The following MAP4 variants were observed in gnomAD, a reference collection of about 807,000 sequenced individuals.
MAP4 encodes microtubule-associated protein 4.
In MAP4, 76 loss-of-function variants were observed where a neutral mutation model predicts 170.2. That is an observed-to-expected ratio of 0.45 (90% CI 0.37 to 0.54). The LOEUF (loss-of-function observed/expected upper bound fraction) is 0.54. MAP4 is among the 20% of genes least tolerant of loss of function. The pLI is 0.00. For synonymous variants in MAP4, 909 were observed against 994.5 expected (o/e 0.91, Z 1.62); for missense variants, 2,506 against 2,748.0 (o/e 0.91, Z 1.97).
intron 1 of MAP4, among the ~76,000 whole-genome samples, chr3:48,086,321 T>C: frequency 6.6e-6 from 1 of 151,852 alleles, no homozygotes; most frequent in East Asian, 1.9e-4. Context: ...AGACTCCATC[T>C]TAAAAAATAA....
Position 47,877,530 on chromosome 3 carries a change from G to A in MAP4, c.5435-7C>T. On this transcript the variant is annotated splice_polypyrimidine_tract_variant and splice_region_variant and intron_variant, in intron 10 of 20. Coordinates refer to ENST00000683076, the MANE Select transcript of MAP4 (RefSeq NM_001385682.1). ...TCTTCTGGCCTGGCTATTCCTAAGG[G>A]GAGAGGGTGAGTGGGAATTATGCTA... is the stretch of plus-strand genomic sequence containing the variant. 1 of 1,594,112 alleles carries A rather than the reference G, an allele frequency of 6.3e-7. No homozygotes were observed. The highest frequency in any genetic ancestry group is 8.6e-7 in the Non-Finnish European group (1 of 1,164,088).
chr3:48,046,176 T>C (rs1269846544), intron 1 of MAP4, among the ~76,000 whole-genome samples: 1 of 152,114 alleles, frequency 6.6e-6, no homozygotes, highest in Non-Finnish European at 1.5e-5. Flanking sequence ...TACTTTTTGG[T>C]TTTTTCCTGA....
intron 1 of MAP4, among the ~76,000 whole-genome samples, chr3:48,056,508 C>G (rs2100131780): frequency 2.4e-5 from 2 of 83,566 alleles, no homozygotes; most frequent in Admixed American, 9.5e-5. Flanking sequence ...AGCCCTCCCC[C>G]CGGCCAGCCG....
chr3:48,043,428 G>T lies in MAP4; in HGVS notation c.-19-44549C>A, dbSNP rs75256962. The stretch of plus-strand genomic sequence containing the variant: ...AATTCTACACTTTAAGTGGGTGAAT[G>T]GTATGGTATATAAAATATATCTCAA... On this transcript the variant is annotated intron_variant, in intron 1 of 18. Transcript: ENST00000360240. Among the ~76,000 whole-genome samples the T allele has an allele frequency of 4.1e-3, 625 of 152,106 alleles. 6 individuals are homozygous for T. Among genetic ancestry groups the T allele is most frequent in the African/African-American group, 0.014 (597 of 41,456 alleles).
intron 16 of MAP4, among the ~76,000 whole-genome samples, chr3:47,868,406 G>A (rs1382648265): frequency 6.6e-6 from 1 of 152,210 alleles, no homozygotes; most frequent in South Asian, 2.1e-4. Context: ...ACTACTTAAT[G>A]AGCCTTGGTC....
At chr3:48,019,967 A>G (rs2100109773), upstream of MAP4, among the ~76,000 whole-genome samples, 1 of 152,240 alleles carries the variant, frequency 6.6e-6, no homozygotes, top group African/African-American at 2.4e-5. Context: ...AGAAAAGTGG[A>G]AGGTAGAAGA....
chr3:48,038,459 C>CTTTTT (rs397989482), intron 1 of MAP4, among the ~76,000 whole-genome samples: 3 of 121,984 alleles, frequency 2.5e-5, no homozygotes, highest in Non-Finnish European at 3.3e-5. Flanking sequence ...TGCACTGAAA[C>CTTTTT]TTTTTTTTTT....
chr3:47,894,087 G>T (rs112669637), intron 10 of MAP4, among the ~76,000 whole-genome samples: 1 of 151,602 alleles, frequency 6.6e-6, no homozygotes, highest in African/African-American at 2.4e-5. Flanking sequence ...AAAAAAAACT[G>T]AACATGAACT....
intron 1 of MAP4, among the ~76,000 whole-genome samples, chr3:48,035,208 A>T (rs1189533216): frequency 6.6e-6 from 1 of 151,006 alleles, no homozygotes; most frequent in Non-Finnish European, 1.5e-5. Flanking sequence ...AAAAAAAAAA[A>T]GGATTTCTCT....
intron 3 of MAP4, among the ~76,000 whole-genome samples, chr3:47,966,732 AAC>A (rs1176049639): frequency 2.6e-5 from 4 of 152,156 alleles, no homozygotes; most frequent in Non-Finnish European, 5.9e-5. Context: ...ATTTATTGAA[AAC>A]ACCATCCTTT....
At chr3:47,876,422 C>T (rs984028648) in intron 11 of MAP4, among the ~76,000 whole-genome samples, 4 of 152,088 alleles carry the variant, frequency 2.6e-5, no homozygotes, top group East Asian at 1.9e-4. Flanking sequence ...TGAGCCACCG[C>T]GCCTGGCCTG....
At chr3:47,977,842 G>A in intron 3 of MAP4, 23 bp downstream of exon 3, 1 of 1,554,146 alleles carries the variant, frequency 6.4e-7, no homozygotes, top group Admixed American at 1.7e-5. Context: ...CTACACATTT[G>A]GGGAATCCTG....
chr3:48,073,087 G>A (rs376622442), intron 1 of MAP4, among the ~76,000 whole-genome samples: 109 of 152,128 alleles, frequency 7.2e-4, no homozygotes, highest in African/African-American at 2.5e-3. Context: ...GCACATGCCC[G>A]TAATCCCACC....
intron 3 of MAP4, among the ~76,000 whole-genome samples, chr3:47,941,671 C>T (rs887083620): frequency 6.6e-6 from 1 of 150,914 alleles, no homozygotes; most frequent in Non-Finnish European, 1.5e-5. Context: ...CCTGTAATCC[C>T]AGCTACTCAG....
intron 3 of MAP4, among the ~76,000 whole-genome samples, chr3:47,947,923 G>A (rs2100061198): frequency 6.6e-6 from 1 of 151,952 alleles, no homozygotes; most frequent in South Asian, 2.1e-4. Context: ...GCAGCAATTT[G>A]CTTTCTACCT....
chr3:47,951,687 T>C (rs1024798893), intron 3 of MAP4, among the ~76,000 whole-genome samples: 1 of 152,142 alleles, frequency 6.6e-6, no homozygotes, highest in Non-Finnish European at 1.5e-5. Flanking sequence ...AGTGGCGTGA[T>C]CTCGGCTCGC....
At position 47,910,580 on chromosome 3, in the gene MAP4, C is replaced by T; in HGVS notation, c.3841G>A (p.Val1281Met). The change falls in exon 9 of 21, where the codon GTG (valine) becomes ATG (methionine). Residue 1281 changes from valine to methionine, a missense_variant. Around this residue, in one of 3 missense-constraint regions of MAP4, gnomAD observed 2,008 missense variants for 2,206.0 expected, o/e 0.91. Transcript: ENST00000683076. ...SFSHTPDTPT[V>M]EAVDRKGGNF... ...CCACCCTTCCTGTCAACTGCTTCCA[C>T]TGTGGGTGTATCTGGTGTATGTGAG... is the stretch of plus-strand genomic sequence containing the variant. 6.5e-7 allele frequency: 1 copy of T among 1,536,094 alleles called. No homozygotes were observed. Among genetic ancestry groups the T allele is most frequent in the Non-Finnish European group, 8.7e-7 (1 of 1,146,900 alleles).
chr3:48,007,416 C>A (rs936863747), intron 1 of MAP4, among the ~76,000 whole-genome samples: 110 of 152,308 alleles, frequency 7.2e-4, no homozygotes, highest in Admixed American at 1.3e-3. Context: ...TACTCCGGCC[C>A]ATTTACTGAG....
At chr3:47,985,217 T>C (rs1332206180) in intron 2 of MAP4, among the ~76,000 whole-genome samples, 1 of 149,434 alleles carries the variant, frequency 6.7e-6, no homozygotes, top group Non-Finnish European at 1.5e-5. Flanking sequence ...GAGGCGGAGG[T>C]TGCAGTGAGC....
Sources: gnomAD v4.1 joint callset for allele counts (sites outside exome capture counted in the v4.1 genomes callset) on GRCh38, gnomAD v4.1.1 for gene constraint, gnomAD v4.1.1 regional missense constraint, MANE v1.5 for transcripts, NCBI Gene and HGNC (gene_info 2026-07-23, HGNC 2026-07-21) for gene names.